Variants in SLIT1 observed in about 807,000 individuals in gnomAD.
The protein encoded by SLIT1 is slit homolog 1 protein.
In SLIT1, 66 loss-of-function variants were observed where a neutral mutation model predicts 186.1. The observed-to-expected ratio is 0.35, with a 90% CI of 0.29 to 0.44. The LOEUF is 0.44. Among genes scored for constraint, SLIT1 ranks in the 20% least tolerant of loss-of-function variants. The probability of loss-of-function intolerance (pLI) is 1.00; values close to 1 mark genes in which losing one functional copy is unlikely to be tolerated. For missense variants in SLIT1, 1,638 were observed against 2,037.4 expected (o/e 0.80, Z 3.77); for synonymous variants, 761 against 833.8 (o/e 0.91, Z 1.50).
At chr10:97,166,623 G>GAAAGAAAGAGAAAAGAAAAGAAAAGAAA (rs3979552) in intron 1 of SLIT1, among the ~76,000 whole-genome samples, 3 of 42,652 alleles carry the variant, frequency 7.0e-5, no homozygotes, top group African/African-American at 9.6e-5. Flanking sequence ...AAGAAAGAAA[G>GAAAGAAAGAGAAAAGAAAAGAAAAGAAA]AGAAAAGAAA....
intron 1 of SLIT1, among the ~76,000 whole-genome samples, chr10:97,183,926 T>A (rs1423010434): frequency 6.6e-6 from 1 of 151,648 alleles, no homozygotes; most frequent in Non-Finnish European, 1.5e-5. Flanking sequence ...CCACACAGGA[T>A]AATGCACACG....
At chr10:97,080,799 T>G (rs1449347867) in intron 4 of SLIT1, among the ~76,000 whole-genome samples, 1 of 152,266 alleles carries the variant, frequency 6.6e-6, no homozygotes, top group African/African-American at 2.4e-5. Flanking sequence ...ATGAATTGAC[T>G]TTTGGGGCAA....
At chr10:97,182,886 G>A (rs1425086464) in intron 1 of SLIT1, among the ~76,000 whole-genome samples, 2 of 152,076 alleles carry the variant, frequency 1.3e-5, no homozygotes, top group South Asian at 2.1e-4. Context: ...AACACTTTGG[G>A]AGGCGGAGGC....
At position 97,159,558 on chromosome 10, in the gene SLIT1, T is replaced by C. The variant is rs1589415826; in HGVS notation, c.342-1669A>G. Among the ~76,000 whole-genome samples the C allele has an allele frequency of 3.9e-5, 6 of 152,278 alleles. No individual in the cohort carries two copies. The South Asian group carries it at 1.2e-3, about 32-fold the overall frequency. On this transcript the variant is annotated intron_variant, in intron 3 of 36. Coordinates refer to ENST00000266058, the MANE Select transcript of SLIT1 (RefSeq NM_003061.3). The stretch of plus-strand genomic sequence containing the variant: ...TTCTGGCTTCTGCTTCTGAAAATTA[T>C]TTAGGAGGAAAAAGGGATTCAATGC...
At chr10:97,177,605 G>T (rs190425049) in intron 1 of SLIT1, among the ~76,000 whole-genome samples, 1 of 152,224 alleles carries the variant, frequency 6.6e-6, no homozygotes, top group East Asian at 1.9e-4. Flanking sequence ...TCAAGGTGGC[G>T]GCAGGACATT....
At chr10:97,074,271 C>T (rs1564668237) in intron 4 of SLIT1, among the ~76,000 whole-genome samples, 2 of 152,196 alleles carry the variant, frequency 1.3e-5, no homozygotes, top group Non-Finnish European at 2.9e-5. Context: ...TAAAATGGAT[C>T]CTTACATGAG....
chr10:97,067,630 C>T (rs1848960481), intron 4 of SLIT1, among the ~76,000 whole-genome samples: 1 of 152,204 alleles, frequency 6.6e-6, no homozygotes, highest in African/African-American at 2.4e-5. Flanking sequence ...GGGGTAGGAA[C>T]TGCCATTGCG....
chr10:97,184,586 A>AAC lies in SLIT1; in HGVS notation c.197+890_197+891dup, dbSNP rs141902770. On this transcript the variant is annotated intron_variant, in intron 1 of 36. Coordinates refer to ENST00000266058, the MANE Select transcript of SLIT1 (RefSeq NM_003061.3). The surrounding 1 kb of genome is among the most constrained non-coding windows in gnomAD (Gnocchi z 4.4). ...AAATACACACACTCAAACACACCCA[A>AAC]ACACACACACACACATTCTACTAGC... Among the ~76,000 whole-genome samples the AAC allele has an allele frequency of 3.0e-4, 45 of 150,660 alleles. 1 individual carries two copies. The South Asian group carries it at 3.6e-3, about 12-fold the overall frequency.
chr10:97,048,899 G>C (rs1172960940), intron 14 of SLIT1, 56 bp downstream of exon 14: 1 of 1,539,550 alleles, frequency 6.5e-7, no homozygotes, highest in African/African-American at 1.4e-5. Context: ...AGGCCGGTGG[G>C]CAGGTGGGCA....
intron 20 of SLIT1, among the ~76,000 whole-genome samples, chr10:97,042,147 G>A (rs574026603): frequency 1.1e-4 from 17 of 152,214 alleles, no homozygotes; most frequent in Non-Finnish European, 2.4e-4. Flanking sequence ...CCACTGCCAC[G>A]TGGCCTGGCC....
chr10:97,152,527 T>A (rs1849892901), intron 4 of SLIT1, among the ~76,000 whole-genome samples: 1 of 152,220 alleles, frequency 6.6e-6, no homozygotes, highest in Non-Finnish European at 1.5e-5. Context: ...AATCGTCACA[T>A]CAGCCCCATG....
chr10:97,107,166 AT>A (rs1351573527), intron 4 of SLIT1, among the ~76,000 whole-genome samples: 4 of 152,254 alleles, frequency 2.6e-5, no homozygotes, highest in Admixed American at 1.3e-4. Context: ...GAAACAAAAG[AT>A]AAAGCACTCT....
At chr10:97,051,135 A>G (rs11813699) in intron 13 of SLIT1, among the ~76,000 whole-genome samples, 15,819 of 152,278 alleles carry the variant, frequency 0.1, 877 homozygotes, top group African/African-American at 0.15. Flanking sequence ...AGATGTATGC[A>G]TTAAGGAGTC....
Position 97,106,639 on chromosome 10 carries a change from T to C in SLIT1, c.414-40553A>G, listed in dbSNP as rs1219860273. On this transcript the variant is annotated intron_variant, in intron 4 of 36. Transcript: ENST00000266058. ...TTGTAAATAAGGAAACAAATTAAAG[T>C]TGTTTTTTTTTTTTTAAACTTGCCC... Among the ~76,000 whole-genome samples the C allele has an allele frequency of 4.5e-5, 6 of 133,810 alleles. No individual in the cohort carries two copies. The South Asian group carries it at 9.3e-4, about 21-fold the overall frequency. The allele number at this position is 133,810 out of a possible 152,430, so 87.8% of individuals were successfully genotyped here.
rs1201014237 is a variant in SLIT1, at chr10:97,080,610, T to C, written c.414-14524A>G. ...GACTCCAAGCTCCACCATTCCTCTG[T>C]AGGAAGAGGCTGGGGCGGGTTCACT... On this transcript the variant is annotated intron_variant, in intron 4 of 36. Transcript: ENST00000266058. Among the ~76,000 whole-genome samples the C allele has an allele frequency of 7.2e-5, 11 of 152,266 alleles. No individual in the cohort carries two copies. In the South Asian group the frequency reaches 8.3e-4, roughly 11 times the overall value.
At chr10:97,080,334 T>G (rs533049117) in intron 4 of SLIT1, among the ~76,000 whole-genome samples, 71 of 152,234 alleles carry the variant, frequency 4.7e-4, no homozygotes, top group African/African-American at 1.9e-4. Context: ...TGCCAAAAAA[T>G]AGAGATGACT....
chr10:97,180,820 G>T (rs1025667365), intron 1 of SLIT1, among the ~76,000 whole-genome samples: 2 of 152,212 alleles, frequency 1.3e-5, no homozygotes, highest in Non-Finnish European at 2.9e-5. Context: ...CTTACCTCCC[G>T]AGCTCTCTTC....
chr10:97,070,922 G>A (rs550037329), intron 4 of SLIT1, among the ~76,000 whole-genome samples: 11 of 152,244 alleles, frequency 7.2e-5, no homozygotes, highest in South Asian at 2.1e-4. Context: ...GGGCTCAAGC[G>A]ATCCTCCCCA....
intron 4 of SLIT1, among the ~76,000 whole-genome samples, chr10:97,122,619 G>A (rs546434486): frequency 2.0e-5 from 3 of 152,276 alleles, no homozygotes; most frequent in South Asian, 2.1e-4. Context: ...TACATACTCC[G>A]GGCCAAGAGA....
Sources: allele counts gnomAD v4.1 joint callset (sites outside exome capture counted in the v4.1 genomes callset), GRCh38; gene constraint gnomAD v4.1.1; non-coding constraint Gnocchi (gnomAD v3.1); transcripts MANE v1.5; gene names NCBI Gene and HGNC (gene_info 2026-07-23, HGNC 2026-07-21).